The following WDR33 variants were observed in gnomAD, a reference collection of about 807,000 sequenced individuals.
WDR33 encodes pre-mRNA 3' end processing protein WDR33.
In WDR33, 47 loss-of-function variants were observed where a neutral mutation model predicts 164.9. The observed-to-expected ratio is 0.29, with a 90% CI of 0.23 to 0.36. The LOEUF is 0.36. Ranked by LOEUF, WDR33 falls within the 10% of genes least tolerant of loss-of-function variation. WDR33 has a pLI of 1.00. For missense variants in WDR33, 1,137 were observed against 1,754.1 expected, an observed-to-expected ratio of 0.65 and a Z score of 6.28; for synonymous variants, 505 against 589.0, an observed-to-expected ratio of 0.86 and a Z score of 2.06.
In WDR33 at chr2:127,708,739, C is replaced by G; in HGVS notation, c.3719G>C (p.Gly1240Ala). 2 of 1,613,750 alleles carry G rather than the reference C, an allele frequency of 1.2e-6. No individual in the cohort carries two copies. The highest frequency in any genetic ancestry group is 1.7e-6 in the Non-Finnish European group (2 of 1,179,814). The change falls in exon 21 of 22, where the codon GGC (glycine) becomes GCC (alanine). Residue 1240 changes from glycine to alanine, a missense_variant. By Grantham distance (60) the Gly-to-Ala change is moderately conservative (BLOSUM62 0). This residue lies in a region of WDR33 where 867 missense variants were observed against 1,073.0 expected (regional missense o/e 0.81). Transcript: ENST00000322313. The surrounding 1 kb of genome is among the most constrained non-coding windows in gnomAD (Gnocchi z 6.7). Reference protein sequence around the residue: ...PRKRPWHDGPGTSEHREMEAP... With the variant: ...PRKRPWHDGPATSEHREMEAP... ...CTCCATCTCTCTGTGCTCAGAAGTGCCTGGGCCATCATGCCAGGGGCGCTT... is the reference window on the plus strand; with the variant it reads ...CTCCATCTCTCTGTGCTCAGAAGTGGCTGGGCCATCATGCCAGGGGCGCTT...
At chr2:127,740,288 C>T (rs903986726) in intron 7 of WDR33, among the ~76,000 whole-genome samples, 2 of 152,120 alleles carry the variant, frequency 1.3e-5, no homozygotes, top group African/African-American at 4.8e-5. Flanking sequence ...AAATGCTGGG[C>T]CACCAGCGTT....
At chr2:127,746,859 A>C (rs1687182581) in intron 7 of WDR33, among the ~76,000 whole-genome samples, 1 of 152,258 alleles carries the variant, frequency 6.6e-6, no homozygotes, top group South Asian at 2.1e-4. Flanking sequence ...AATACACAAT[A>C]GTTACCCTTC....
In WDR33 at chr2:127,703,414, G is replaced by GC. The variant is rs1685939836; in HGVS notation, c.*2908dup. The stretch of plus-strand genomic sequence containing the variant: ...TTTTCCTGAGCTGGATCCCAGTGTT[G>GC]CCTTAACAGGGTGTCTGTCGTGCCG... On this transcript the variant is annotated 3_prime_UTR_variant, in exon 22 of 22. Coordinates refer to ENST00000322313, the MANE Select transcript of WDR33 (RefSeq NM_018383.5). The GC allele has an allele frequency of 6.0e-6, 1 of 167,052 alleles. No homozygotes were observed. The highest frequency in any genetic ancestry group is 2.4e-5 in the African/African-American group (1 of 41,442). 10.3% of individuals were successfully genotyped at this position (167,052 alleles called of 1,614,324 possible).
Position 127,701,031 on chromosome 2 carries a change from T to C in WDR33, c.*5292A>G, listed in dbSNP as rs1309176027. The C allele has an allele frequency of 6.6e-6, 1 of 152,294 alleles. No homozygotes were observed. Among genetic ancestry groups the C allele is most frequent in the Admixed American group, 6.5e-5 (1 of 15,288 alleles). 9.4% of individuals were successfully genotyped at this position (152,294 alleles called of 1,614,324 possible). ...CTGAGTTACACAGGTCTGAACTTTT[T>C]TAAAAATTAAATTTTTATTTTGAGA... On this transcript the variant is annotated 3_prime_UTR_variant, in exon 22 of 22. Transcript: ENST00000322313.
intron 1 of WDR33, among the ~76,000 whole-genome samples, chr2:127,777,077 C>T (rs1688210399): frequency 6.6e-6 from 1 of 152,190 alleles, no homozygotes; most frequent in African/African-American, 2.4e-5. Context: ...GAGAGAGGAA[C>T]TGAGGTAGAG....
At chr2:127,748,795 C>A (rs1432316711) in intron 7 of WDR33, among the ~76,000 whole-genome samples, 1 of 150,806 alleles carries the variant, frequency 6.6e-6, no homozygotes, top group Non-Finnish European at 1.5e-5. Flanking sequence ...GTCACCCAGG[C>A]CTGGGTGCAG....
At chr2:127,793,017 A>T (rs897356511) in intron 1 of WDR33, among the ~76,000 whole-genome samples, 1 of 152,234 alleles carries the variant, frequency 6.6e-6, no homozygotes, top group Admixed American at 6.5e-5. Context: ...AGTTAGCATA[A>T]AAGTGAGGAG....
Position 127,755,308 on chromosome 2 carries a change from C to T in WDR33, c.724+7754G>A, listed in dbSNP as rs151017909. On this transcript the variant is annotated intron_variant, in intron 7 of 21. Coordinates refer to ENST00000322313, the MANE Select transcript of WDR33 (RefSeq NM_018383.5). ...CATTAATATAAACTGTTAAATAGGA[C>T]GGGGCCAAGTAAAGAATCTTACAGC... is the stretch of plus-strand genomic sequence containing the variant. Among the ~76,000 whole-genome samples, 19 of 152,184 alleles carry T rather than the reference C, an allele frequency of 1.2e-4. No individual in the cohort carries two copies. The East Asian group carries it at 3.1e-3, about 25-fold the overall frequency.
In WDR33 at chr2:127,705,138, CA is replaced by C; in HGVS notation, c.*1184del. The stretch of plus-strand genomic sequence containing the variant: ...TTTGCCAAATAAATTTGACTGATGC[CA>C]AAACTGAAGCTGCCAATGTAATGAA... On this transcript the variant is annotated 3_prime_UTR_variant, in exon 22 of 22. Coordinates refer to ENST00000322313, the MANE Select transcript of WDR33 (RefSeq NM_018383.5). This position sits in a 1 kb window ranked among gnomAD's most constrained non-coding sequence, Gnocchi z 4.5. The C allele has an allele frequency of 6.0e-6, 1 of 167,120 alleles. No homozygotes were observed. The allele number at this position is 167,120 out of a possible 1,614,324, so 10.4% of individuals were successfully genotyped here.
At position 127,720,588 on chromosome 2, in the gene WDR33, ATTT is replaced by A. The variant is rs202205365; in HGVS notation, c.1672-238_1672-236del. 6.8e-6 allele frequency among the ~76,000 whole-genome samples: 1 copy of A among 147,126 alleles called. No individual in the cohort carries two copies. The highest frequency in any genetic ancestry group is 6.8e-5 in the Admixed American group (1 of 14,814). ...CAGTAGTAAGGATTTTTTTTTCCTT[ATTT>A]TTTTTTTCTGTCCCCCAAGCTGGAA... On this transcript the variant is annotated intron_variant, in intron 15 of 21. Transcript: ENST00000322313. This position sits in a 1 kb window ranked among gnomAD's most constrained non-coding sequence, Gnocchi z 5.9.
intron 7 of WDR33, chr2:127,762,370 C>T (rs59082750): frequency 0.017 from 6,039 of 361,918 alleles, 59 homozygotes; most frequent in East Asian, 0.031. Context: ...CTTAACTCTA[C>T]CACCACTGAA....
rs146495595 is a variant in WDR33, at chr2:127,736,319, C to T, written c.725-9542G>A. On this transcript the variant is annotated intron_variant, in intron 7 of 21. Coordinates refer to ENST00000322313, the MANE Select transcript of WDR33 (RefSeq NM_018383.5). ...GACTGGGGAAGGGCATGTAAAGGGGCCTTTAACCTTTAATTTGTAATGTGT... is the reference window on the plus strand; with the variant it reads ...GACTGGGGAAGGGCATGTAAAGGGGTCTTTAACCTTTAATTTGTAATGTGT... 3.2e-3 allele frequency: 3,135 copies of T among 985,198 alleles called. 88 individuals carry two copies. In the African/African-American group the frequency reaches 0.052, roughly 16 times the overall value. 61.0% of individuals were successfully genotyped at this position (985,198 alleles called of 1,614,324 possible). A position where few individuals can be genotyped will look rare whatever the true frequency, so the allele number is the denominator to read the frequency against.
At chr2:127,799,514 G>A (rs1187598669) in intron 1 of WDR33, among the ~76,000 whole-genome samples, 1 of 152,144 alleles carries the variant, frequency 6.6e-6, no homozygotes, top group African/African-American at 2.4e-5. Context: ...AGATATACAG[G>A]CTGGACACGG....
chr2:127,753,092 A>G (rs951583023), intron 7 of WDR33, among the ~76,000 whole-genome samples: 3 of 149,754 alleles, frequency 2.0e-5, no homozygotes, highest in Non-Finnish European at 4.5e-5. Context: ...ACGCCCAGCT[A>G]ATTTTTGTAT....
Position 127,726,536 on chromosome 2 carries a change from T to C in WDR33, c.851+115A>G, listed in dbSNP as rs1281947095. 17 of 1,361,894 alleles carry C rather than the reference T, an allele frequency of 1.2e-5. 1 individual carries two copies. Among genetic ancestry groups the C allele is most frequent in the Non-Finnish European group, 1.1e-5 (11 of 1,005,218 alleles). 84.4% of individuals were successfully genotyped at this position (1,361,894 alleles called of 1,614,324 possible). Reference sequence around the variant, plus strand: ...AGAAGTCTATAGATCCAAGTCCATCTGTTGCCTAAATGACTCTTCCAGAAA... The same window carrying C: ...AGAAGTCTATAGATCCAAGTCCATCCGTTGCCTAAATGACTCTTCCAGAAA... On this transcript the variant is annotated intron_variant, in intron 8 of 21. Coordinates refer to ENST00000322313, the MANE Select transcript of WDR33 (RefSeq NM_018383.5). The surrounding 1 kb of genome is among the most constrained non-coding windows in gnomAD (Gnocchi z 4.8).
intron 7 of WDR33, among the ~76,000 whole-genome samples, chr2:127,729,484 G>A (rs28451720): frequency 2.0e-5 from 3 of 151,864 alleles, no homozygotes; most frequent in Non-Finnish European, 2.9e-5. Context: ...TTGGAACAGG[G>A]AGAGACTATT....
At chr2:127,707,370 T>G (rs1454537219) in intron 21 of WDR33, among the ~76,000 whole-genome samples, 2 of 152,184 alleles carry the variant, frequency 1.3e-5, no homozygotes, top group Admixed American at 1.3e-4. Flanking sequence ...CTCTCCGCTG[T>G]CTCATATTTT....
At chr2:127,771,941 C>T (rs1439144187) in intron 1 of WDR33, among the ~76,000 whole-genome samples, 2 of 152,046 alleles carry the variant, frequency 1.3e-5, no homozygotes, top group Non-Finnish European at 2.9e-5. Flanking sequence ...TGGATGGGTA[C>T]GTGTTTATGC....
At chr2:127,804,805 CATCA>C (rs1689373866) in intron 1 of WDR33, among the ~76,000 whole-genome samples, 1 of 152,120 alleles carries the variant, frequency 6.6e-6, no homozygotes, top group Non-Finnish European at 1.5e-5. Context: ...AGCTAATAAT[CATCA>C]ATCATTAAGT....
Sources: allele counts gnomAD v4.1 joint callset (sites outside exome capture counted in the v4.1 genomes callset), GRCh38; gene constraint gnomAD v4.1.1; regional missense constraint gnomAD v4.1.1; non-coding constraint Gnocchi (gnomAD v3.1); transcripts MANE v1.5; gene names NCBI Gene and HGNC (gene_info 2026-07-23, HGNC 2026-07-21).